The following SORL1 variants were observed in gnomAD, a reference collection of about 807,000 sequenced individuals.
SORL1 encodes sortilin related receptor 1.
SORL1 carries 127 observed loss-of-function variants against 273.7 expected under a neutral mutation model. The observed-to-expected ratio is 0.46, with a 90% CI of 0.40 to 0.54. The LOEUF is 0.54. Ranked by LOEUF, SORL1 falls within the 20% of genes least tolerant of loss-of-function variation. The probability of loss-of-function intolerance (pLI) is 0.00; values close to 1 mark genes in which losing one functional copy is unlikely to be tolerated. For synonymous variants in SORL1, 1,031 were observed against 1,067.4 expected, an observed-to-expected ratio of 0.97 and a Z score of 0.66; for missense variants, 2,494 against 2,846.1, an observed-to-expected ratio of 0.88 and a Z score of 2.81.
In SORL1 at chr11:121,532,543, A is replaced by G. The variant is rs140058505; in HGVS notation, c.1676A>G (p.Asn559Ser). 72 of 1,614,060 alleles carry G rather than the reference A, an allele frequency of 4.5e-5. No homozygotes were observed. The highest frequency in any genetic ancestry group is 5.6e-5 in the Non-Finnish European group (66 of 1,179,914). ...GCCATTGCCCAGGGCATGGAAACCA[A>G]CGAGCTAAAGTAAGTGTCTCTGATG... ...ITAIAQGMET[N>S]ELKYSTNEGE... is the part of the protein sequence containing the mutation. Residue 559 changes from asparagine to serine, a missense_variant, in exon 12 of 48, where the codon AAC (asparagine) becomes AGC (serine). Physicochemically the swap from Asn to Ser is conservative, Grantham distance 46. Coordinates refer to ENST00000260197, the MANE Select transcript of SORL1 (RefSeq NM_003105.6).
At chr11:121,583,357 A>G in intron 25 of SORL1, 101 bp from the exon 26 acceptor site, 1 of 1,384,268 alleles carries the variant, frequency 7.2e-7, no homozygotes, top group Non-Finnish European at 9.7e-7. Flanking sequence ...TTCAGACCTT[A>G]TTCCTACCTC....
Position 121,631,479 on chromosome 11 carries a change from T to C in SORL1, c.*1916T>C, listed in dbSNP as rs938077371. 3 of 152,204 alleles carry C rather than the reference T, an allele frequency of 2.0e-5. No individual in the cohort carries two copies. The highest frequency in any genetic ancestry group is 1.5e-5 in the Non-Finnish European group (1 of 68,040). The allele number at this position is 152,204 out of a possible 1,614,324, so 9.4% of individuals were successfully genotyped here. ...CCCCTTTAATAAGCTCTTTAAATAG[T>C]TGAATCATTAACAACCTGGTGGGAG... On this transcript the variant is annotated 3_prime_UTR_variant, in exon 48 of 48. Transcript: ENST00000260197.
intron 45 of SORL1, among the ~76,000 whole-genome samples, chr11:121,622,905 T>G (rs1863743382): frequency 6.6e-6 from 1 of 152,176 alleles, no homozygotes; most frequent in Non-Finnish European, 1.5e-5. Context: ...CAGCAAAGCC[T>G]TTGCTAAATA....
intron 11 of SORL1, among the ~76,000 whole-genome samples, chr11:121,527,974 AT>A: frequency 6.7e-6 from 1 of 149,786 alleles, no homozygotes; most frequent in South Asian, 2.1e-4. Flanking sequence ...CTTTATTATT[AT>A]TTTTTCCCTT....
intron 38 of SORL1, 29 bp downstream of exon 38, chr11:121,608,205 G>C (rs770867650): frequency 6.4e-7 from 1 of 1,564,992 alleles, no homozygotes; most frequent in South Asian, 1.1e-5. Context: ...TGCAGATTTA[G>C]AGAAAATATT....
chr11:121,553,811 C>T (rs193059044), intron 16 of SORL1, 126 bp from the exon 17 acceptor site: 11 of 865,766 alleles, frequency 1.3e-5, no homozygotes. Flanking sequence ...CTGTGCTCTT[C>T]ACTTGGTCCA....
intron 8 of SORL1, among the ~76,000 whole-genome samples, chr11:121,514,865 C>T (rs1192124125): frequency 3.9e-5 from 6 of 152,192 alleles, no homozygotes; most frequent in Non-Finnish European, 7.3e-5. Flanking sequence ...GCACCACACC[C>T]ATCAAGGGGT....
chr11:121,582,534 G>C (rs908201101), intron 25 of SORL1, among the ~76,000 whole-genome samples: 5 of 152,246 alleles, frequency 3.3e-5, no homozygotes, highest in African/African-American at 1.2e-4. Context: ...AGGACCGTTA[G>C]GAGTGTTGGT....
At chr11:121,488,228 T>G (rs1861504450) in intron 4 of SORL1, 35 bp downstream of exon 4, 2 of 1,605,076 alleles carry the variant, frequency 1.2e-6, no homozygotes, top group South Asian at 2.2e-5. Context: ...TGCATGGGGC[T>G]CCTCTAGTTT....
chr11:121,511,952 A>G (rs1247056399), intron 6 of SORL1, among the ~76,000 whole-genome samples: 1 of 152,224 alleles, frequency 6.6e-6, no homozygotes, highest in Non-Finnish European at 1.5e-5. Flanking sequence ...CAATATGTTT[A>G]ATAGTCATTT....
chr11:121,484,956 T>A (rs1490220915), intron 3 of SORL1, among the ~76,000 whole-genome samples: 2 of 152,156 alleles, frequency 1.3e-5, no homozygotes, highest in Non-Finnish European at 2.9e-5. Context: ...GGTTTTGCCA[T>A]GTTGGCCAGG....
chr11:121,545,478 A>G, intron 14 of SORL1, 49 bp downstream of exon 14: 2 of 1,559,850 alleles, frequency 1.3e-6, no homozygotes, highest in Non-Finnish European at 1.8e-6. Context: ...TTATTCACTC[A>G]GCAGTGTTGG....
intron 6 of SORL1, among the ~76,000 whole-genome samples, chr11:121,504,693 T>A (rs1035063428): frequency 2.0e-5 from 3 of 152,134 alleles, no homozygotes; most frequent in African/African-American, 7.2e-5. Context: ...TATTTATTTT[T>A]TTGCCCAACT....
chr11:121,530,971 AT>A (rs1862194857), intron 11 of SORL1, among the ~76,000 whole-genome samples: 1 of 151,990 alleles, frequency 6.6e-6, no homozygotes, highest in South Asian at 2.1e-4. Flanking sequence ...CGGACATTAT[AT>A]TTTTCTGTTA....
intron 22 of SORL1, 70 bp downstream of exon 22, chr11:121,567,183 G>A: frequency 1.5e-6 from 2 of 1,336,066 alleles, no homozygotes; most frequent in Non-Finnish European, 2.1e-6. Context: ...AGGGGAGGGA[G>A]GGATAGCTCT....
chr11:121,552,099 C>G (rs990646152), intron 16 of SORL1, among the ~76,000 whole-genome samples: 1 of 151,978 alleles, frequency 6.6e-6, no homozygotes. Context: ...GTGGAGAAAT[C>G]TCATTCCATT....
At chr11:121,520,332 A>G (rs1862020882) in intron 8 of SORL1, among the ~76,000 whole-genome samples, 1 of 152,260 alleles carries the variant, frequency 6.6e-6, no homozygotes, top group African/African-American at 2.4e-5. Flanking sequence ...GCTAAGTGAA[A>G]GTAACCAGAT....
chr11:121,488,721 T>C (rs964515392), intron 4 of SORL1, among the ~76,000 whole-genome samples: 1 of 152,194 alleles, frequency 6.6e-6, no homozygotes, highest in Non-Finnish European at 1.5e-5. Context: ...TTGAAGGAAA[T>C]CTGAGAGATG....
chr11:121,623,303 A>G lies in SORL1; in HGVS notation c.6171+1035A>G, dbSNP rs561940856. 1.2e-3 allele frequency among the ~76,000 whole-genome samples: 178 copies of G among 152,358 alleles called. 2 individuals carry two copies. In the Middle Eastern group the frequency reaches 0.014, roughly 12 times the overall value. The stretch of plus-strand genomic sequence containing the variant: ...GAAGAGTATAACTGGTATGAATAGT[A>G]GTTGGGGAAGTAAACGTTCTGGGAA... On this transcript the variant is annotated intron_variant, in intron 45 of 47. Transcript: ENST00000260197.
Sources: gnomAD v4.1 joint callset for allele counts (sites outside exome capture counted in the v4.1 genomes callset) on GRCh38, gnomAD v4.1.1 for gene constraint, MANE v1.5 for transcripts, NCBI Gene and HGNC (gene_info 2026-07-23, HGNC 2026-07-21) for gene names.